Variants in CAMTA1 observed in about 807,000 individuals in gnomAD.
CAMTA1 encodes the protein calmodulin binding transcription activator 1.
A neutral mutation model predicts 170.9 loss-of-function variants in CAMTA1; 27 were observed. The ratio of observed to expected loss-of-function variants is 0.16; its 90% CI spans 0.12 to 0.22. The LOEUF (loss-of-function observed/expected upper bound fraction) is 0.22. Ranked by LOEUF, CAMTA1 falls within the 10% of genes least tolerant of loss-of-function variation. The pLI is 1.00. For synonymous variants in CAMTA1, 833 were observed against 891.5 expected, an observed-to-expected ratio of 0.93 and a Z score of 1.17; for missense variants, 1,619 against 2,217.2, an observed-to-expected ratio of 0.73 and a Z score of 5.42.
At chr1:7,232,026 T>C (rs1042590969) in intron 4 of CAMTA1, among the ~76,000 whole-genome samples, 1 of 152,162 alleles carries the variant, frequency 6.6e-6, no homozygotes, top group African/African-American at 2.4e-5. Flanking sequence ...CGGGGAGGAC[T>C]TGGCTGGGAG....
chr1:7,098,024 A>G (rs911685465), intron 4 of CAMTA1, among the ~76,000 whole-genome samples: 3 of 152,208 alleles, frequency 2.0e-5, no homozygotes, highest in Non-Finnish European at 2.9e-5. Context: ...CTACAATTAA[A>G]AAAAAATTCC....
At chr1:7,640,586 G>C in intron 7 of CAMTA1, 33 bp downstream of exon 7, 3 of 1,613,234 alleles carry the variant, frequency 1.9e-6, no homozygotes, top group Non-Finnish European at 2.5e-6. Flanking sequence ...GCGCCCCCAC[G>C]CTGGGAACCA....
At chr1:7,280,256 C>T (rs72863538) in intron 5 of CAMTA1, among the ~76,000 whole-genome samples, 4,605 of 152,294 alleles carry the variant, frequency 0.03, 232 homozygotes, top group African/African-American at 0.1. Context: ...AGCGAGAAGC[C>T]CTCTGGTTTT....
intron 22 of CAMTA1, among the ~76,000 whole-genome samples, chr1:7,760,729 G>A (rs1162515084): frequency 1.3e-5 from 2 of 152,108 alleles, no homozygotes; most frequent in Non-Finnish European, 2.9e-5. Flanking sequence ...AAAATGGCAA[G>A]ATCTCTCTTT....
rs2097032641 is a variant in CAMTA1 at position 7,767,888 on chromosome 1, CAGAGTAACATTACTTAAAAAAAAAAGG to C, written c.*1399_*1425del. On this transcript the variant is annotated 3_prime_UTR_variant, in exon 23 of 23. Coordinates refer to ENST00000303635, the MANE Select transcript of CAMTA1 (RefSeq NM_015215.4). Reference sequence around the variant, plus strand: ...CTGTATTTAGACTTAGGAAAAAAGGCAGAGTAACATTACTTAAAAAAAAAAGGATATGTTTACATTTAATTTTGGCTA... The same window carrying C: ...CTGTATTTAGACTTAGGAAAAAAGGCATATGTTTACATTTAATTTTGGCTA... 1 of 143,376 alleles carries C rather than the reference CAGAGTAACATTACTTAAAAAAAAAAGG, an allele frequency of 7.0e-6. No individual in the cohort carries two copies. Among genetic ancestry groups the C allele is most frequent in the Admixed American group, 6.9e-5 (1 of 14,490 alleles). 8.9% of individuals were successfully genotyped at this position (143,376 alleles called of 1,614,324 possible).
Position 7,534,122 on chromosome 1 carries a change from G to A in CAMTA1, c.510+66221G>A, listed in dbSNP as rs944508254. On this transcript the variant is annotated intron_variant, in intron 6 of 22. Coordinates refer to ENST00000303635, the MANE Select transcript of CAMTA1 (RefSeq NM_015215.4). This position sits in a 1 kb window ranked among gnomAD's most constrained non-coding sequence, Gnocchi z 5.6. ...CCTCCCATCACCGGTCACCCCGCCCGCCAGGCCCCTGGCAGCCTCATATCT... is the reference window on the plus strand; with the variant it reads ...CCTCCCATCACCGGTCACCCCGCCCACCAGGCCCCTGGCAGCCTCATATCT... Among the ~76,000 whole-genome samples, 8 of 152,058 alleles carry A rather than the reference G, an allele frequency of 5.3e-5. No homozygotes were observed. Among genetic ancestry groups the A allele is most frequent in the South Asian group, 2.1e-4 (1 of 4,816 alleles).
At chr1:7,432,521 G>C (rs1484637656) in intron 5 of CAMTA1, among the ~76,000 whole-genome samples, 1 of 152,204 alleles carries the variant, frequency 6.6e-6, no homozygotes, top group East Asian at 1.9e-4. Context: ...GTGGCTGCGT[G>C]GCATGAGAAG....
rs976894252 is a variant in CAMTA1, at chr1:7,361,688, T to C, written c.439-106142T>C. ...GGAAGGTTGGGGGTACATTAAACTT[T>C]TATGCATGGCAATAAATTTCTTATG... On this transcript the variant is annotated intron_variant, in intron 5 of 22. Coordinates refer to ENST00000303635, the MANE Select transcript of CAMTA1 (RefSeq NM_015215.4). 2.0e-5 allele frequency among the ~76,000 whole-genome samples: 3 copies of C among 152,344 alleles called. No individual in the cohort carries two copies. The East Asian group carries it at 5.8e-4, about 29-fold the overall frequency.
intron 6 of CAMTA1, among the ~76,000 whole-genome samples, chr1:7,591,668 A>C (rs1335512246): frequency 3.3e-5 from 5 of 152,192 alleles, no homozygotes; most frequent in Non-Finnish European, 7.3e-5. Flanking sequence ...GGTGAAATCC[A>C]AGTTACCACT....
rs796471173 is a variant in CAMTA1 at position 7,320,660 on chromosome 1, T to C, written c.438+71034T>C. Among the ~76,000 whole-genome samples the C allele has an allele frequency of 3.4e-3, 513 of 149,364 alleles. 7 individuals are homozygous for C. Among genetic ancestry groups the C allele is most frequent in the Admixed American group, 0.022 (336 of 15,040 alleles). On this transcript the variant is annotated intron_variant, in intron 5 of 22. Coordinates refer to ENST00000303635, the MANE Select transcript of CAMTA1 (RefSeq NM_015215.4). ...GCTGTGCTGTGTGTGTTTTTTTTTT[T>C]TTTTTTTTTTTTTTGCTATCTTAGC... is the stretch of plus-strand genomic sequence containing the variant.
intron 3 of CAMTA1, among the ~76,000 whole-genome samples, chr1:6,897,309 A>G (rs1398614777): frequency 1.3e-5 from 2 of 152,214 alleles, no homozygotes; most frequent in Non-Finnish European, 2.9e-5. Context: ...TGCAAGAAGC[A>G]TGTAAGCACA....
intron 17 of CAMTA1, 81 bp downstream of exon 17, chr1:7,745,103 G>A (rs2150097926): frequency 2.3e-6 from 3 of 1,315,596 alleles, no homozygotes; most frequent in East Asian, 2.3e-5. Flanking sequence ...TGTATTTGAT[G>A]AATGCCGTGT....
rs142491306 is a variant in CAMTA1, at chr1:7,435,107, A to T, written c.439-32723A>T. Reference sequence around the variant, plus strand: ...GGGCATGCTAGCTGAATGCTGCCTGAAGCCTTTTTTATAAGGGCCTGAATC... The same window carrying T: ...GGGCATGCTAGCTGAATGCTGCCTGTAGCCTTTTTTATAAGGGCCTGAATC... On this transcript the variant is annotated intron_variant, in intron 5 of 22. Transcript: ENST00000303635. The surrounding 1 kb of genome is among the most constrained non-coding windows in gnomAD (Gnocchi z 4.4). Among the ~76,000 whole-genome samples, 1,422 of 152,284 alleles carry T rather than the reference A, an allele frequency of 9.3e-3. 10 individuals are homozygous for T. The highest frequency in any genetic ancestry group is 0.014 in the Non-Finnish European group (974 of 68,020).
chr1:7,564,994 A>G (rs1557925286), intron 6 of CAMTA1, among the ~76,000 whole-genome samples: 1 of 150,430 alleles, frequency 6.6e-6, no homozygotes, highest in Non-Finnish European at 1.5e-5. Context: ...GATGAGGAAG[A>G]CAGGGTGACA....
At chr1:7,042,101 C>A (rs1050382509) in intron 3 of CAMTA1, among the ~76,000 whole-genome samples, 1 of 152,070 alleles carries the variant, frequency 6.6e-6, no homozygotes, top group African/African-American at 2.4e-5. Context: ...TCCAGGATAC[C>A]CTGTTCAGCT....
intron 5 of CAMTA1, among the ~76,000 whole-genome samples, chr1:7,343,696 C>T (rs2149827869): frequency 6.6e-6 from 1 of 152,312 alleles, no homozygotes; most frequent in South Asian, 2.1e-4. Context: ...TTACATCTCC[C>T]TCCTATTATT....
At chr1:6,978,281 C>T (rs1449298626) in intron 3 of CAMTA1, among the ~76,000 whole-genome samples, 1 of 152,112 alleles carries the variant, frequency 6.6e-6, no homozygotes, top group Admixed American at 6.5e-5. Context: ...TCCTCATTCT[C>T]CGTGATGTGA....
chr1:6,991,413 C>T (rs1371152977), intron 3 of CAMTA1, among the ~76,000 whole-genome samples: 1 of 152,186 alleles, frequency 6.6e-6, no homozygotes, highest in Non-Finnish European at 1.5e-5. Context: ...CTCTTAATTT[C>T]AGCCATTCTG....
intron 3 of CAMTA1, among the ~76,000 whole-genome samples, chr1:7,025,337 C>A (rs1363434138): frequency 6.6e-6 from 1 of 152,226 alleles, no homozygotes; most frequent in East Asian, 1.9e-4. Context: ...AGTTGTACTG[C>A]AGAGAGGAAG....
Sources: gnomAD v4.1 joint callset for allele counts (sites outside exome capture counted in the v4.1 genomes callset) on GRCh38, gnomAD v4.1.1 for gene constraint, Gnocchi (gnomAD v3.1) non-coding constraint, MANE v1.5 for transcripts, NCBI Gene and HGNC (gene_info 2026-07-23, HGNC 2026-07-21) for gene names.